The following SLC26A11 variants were observed in gnomAD, a reference collection of about 807,000 sequenced individuals.
SLC26A11 encodes the protein sodium-independent sulfate anion transporter.
Under a neutral mutation model 62.2 loss-of-function variants are expected in SLC26A11, and 58 were observed. The ratio of observed to expected loss-of-function variants is 0.93; its 90% CI spans 0.76 to 1.16. The LOEUF is 1.16. Ranked by LOEUF, SLC26A11 falls within the 50% of genes most tolerant of loss-of-function variation. SLC26A11 has a pLI of 0.00. For missense variants in SLC26A11, 790 were observed against 794.3 expected (o/e 0.99, Z 0.06); for synonymous variants, 411 against 368.9 (o/e 1.11, Z -1.31).
Position 80,221,715 on chromosome 17 carries a change from TC to T in SLC26A11, c.156del (p.Phe52LeufsTer49). The T allele has an allele frequency of 6.2e-7, 1 of 1,613,758 alleles. No individual in the cohort carries two copies. The highest frequency in any genetic ancestry group is 1.1e-5 in the South Asian group (1 of 91,084). The part of the protein sequence containing the change: ...SYSLQWLKMD[F>X]VAGLSVGLTA... ...TCCCTGCAGTGGCTGAAGATGGATT[TC>T]GTCGCCGGCCTCTCAGTTGGCCTCA... On this transcript the variant is annotated frameshift_variant, in exon 3 of 18. Coordinates refer to ENST00000361193, the MANE Select transcript of SLC26A11 (RefSeq NM_001166347.2). LOFTEE classifies it high-confidence loss of function.
At chr17:80,224,472 AGT>A (rs1047006487) in intron 5 of SLC26A11, among the ~76,000 whole-genome samples, 2 of 151,642 alleles carry the variant, frequency 1.3e-5, no homozygotes, top group African/African-American at 4.9e-5. Flanking sequence ...TGAGTGTGTG[AGT>A]GTGAGAATAA....
chr17:80,237,510 C>T lies in SLC26A11; in HGVS notation c.913-12C>T. The T allele has an allele frequency of 6.2e-7, 1 of 1,606,636 alleles. No individual in the cohort carries two copies. The highest frequency in any genetic ancestry group is 8.5e-7 in the Non-Finnish European group (1 of 1,176,832). ...TAGGAAGGTCACTCACCATCCCTCT[C>T]TCCTCTCTCAGGACATGGGAGCCGG... On this transcript the variant is annotated splice_polypyrimidine_tract_variant and intron_variant, in intron 8 of 17. Coordinates refer to ENST00000361193, the MANE Select transcript of SLC26A11 (RefSeq NM_001166347.2).
At chr17:80,230,148 C>T (rs7219184) in intron 7 of SLC26A11, among the ~76,000 whole-genome samples, 48,708 of 148,044 alleles carry the variant, frequency 0.33, 8,347 homozygotes, top group Admixed American at 0.47. Context: ...TGAGCCAAGA[C>T]TGCACCACTG....
At chr17:80,249,782 C>T (rs772665841) in intron 16 of SLC26A11, among the ~76,000 whole-genome samples, 3 of 152,122 alleles carry the variant, frequency 2.0e-5, no homozygotes, top group South Asian at 2.1e-4. Flanking sequence ...TGGTGGCGAG[C>T]GCCTGTAATT....
Position 80,228,100 on chromosome 17 carries a change from C to A in SLC26A11, c.736+140C>A. On this transcript the variant is annotated intron_variant, in intron 7 of 17. Coordinates refer to ENST00000361193, the MANE Select transcript of SLC26A11 (RefSeq NM_001166347.2). The surrounding 1 kb of genome is among the most constrained non-coding windows in gnomAD (Gnocchi z 4.1). ...CATTGGGACATTTAAAACACCACACCAAACTCTGGGACATGTACTTTTTAT... is the reference window on the plus strand; with the variant it reads ...CATTGGGACATTTAAAACACCACACAAAACTCTGGGACATGTACTTTTTAT... 2 of 616,614 alleles carry A rather than the reference C, an allele frequency of 3.2e-6. No homozygotes were observed. The highest frequency in any genetic ancestry group is 5.5e-6 in the Non-Finnish European group (2 of 364,342). The allele number at this position is 616,614 out of a possible 1,614,324, so 38.2% of individuals were successfully genotyped here.
At chr17:80,230,403 C>T (rs887504352) in intron 7 of SLC26A11, among the ~76,000 whole-genome samples, 1 of 152,044 alleles carries the variant, frequency 6.6e-6, no homozygotes, top group African/African-American at 2.4e-5. Context: ...TGTCAGAGGA[C>T]ACCAGGGTGG....
Position 80,227,954 on chromosome 17 carries a change from A to T in SLC26A11, c.730A>T (p.Thr244Ser). The T allele has an allele frequency of 6.3e-7, 1 of 1,599,850 alleles. No individual in the cohort carries two copies. The highest frequency in any genetic ancestry group is 1.3e-5 in the African/African-American group (1 of 74,966). The change falls in exon 7 of 18, where the codon ACG becomes TCG. Residue 244 changes from threonine (T) to serine (S), a missense_variant. Physicochemically the swap from Thr to Ser is moderately conservative, Grantham distance 58 (BLOSUM62 1). Coordinates refer to ENST00000361193, the MANE Select transcript of SLC26A11 (RefSeq NM_001166347.2). ...RLSRGLVWAA[T>S]TARNALVVSF... ...CAGCCGTGGGCTGGTCTGGGCTGCCACGACAGGTGAGGGGCCTCTGGCTGA... is the reference window on the plus strand; with the variant it reads ...CAGCCGTGGGCTGGTCTGGGCTGCCTCGACAGGTGAGGGGCCTCTGGCTGA...
chr17:80,241,047 T>C (rs1000437481), intron 9 of SLC26A11, among the ~76,000 whole-genome samples: 2 of 146,832 alleles, frequency 1.4e-5, no homozygotes, highest in African/African-American at 2.5e-5. Context: ...CAAGGTGGCA[T>C]TGAGCTGTGA....
At position 80,252,559 on chromosome 17, in the gene SLC26A11, C is replaced by T; in HGVS notation, c.1730-66C>T. 1 of 1,505,752 alleles carries T rather than the reference C, an allele frequency of 6.6e-7. No homozygotes were observed. Among genetic ancestry groups the T allele is most frequent in the Non-Finnish European group, 9.2e-7 (1 of 1,091,048 alleles). The allele number at this position is 1,505,752 out of a possible 1,614,324, so 93.3% of individuals were successfully genotyped here. ...CTGGAAGGCCCTCCTTAATCCCTTC[C>T]TGTGAACTGACCCATCCTCACTTCT... On this transcript the variant is annotated intron_variant, in intron 17 of 17. Transcript: ENST00000361193. This position sits in a 1 kb window ranked among gnomAD's most constrained non-coding sequence, Gnocchi z 5.2.
At chr17:80,230,975 C>CT (rs1171353991) in intron 7 of SLC26A11, among the ~76,000 whole-genome samples, 2 of 151,936 alleles carry the variant, frequency 1.3e-5, no homozygotes, top group East Asian at 1.9e-4. Flanking sequence ...AGTCGTCTGT[C>CT]TTTTTTTCTG....
chr17:80,233,864 CA>C (rs1262505594), intron 7 of SLC26A11, among the ~76,000 whole-genome samples: 1 of 151,916 alleles, frequency 6.6e-6, no homozygotes, highest in African/African-American at 2.4e-5. Context: ...AGGTGTGAGC[CA>C]CTACTCCTGG....
rs747105136 is a variant in SLC26A11, at chr17:80,237,073, C to T, written c.882C>T (p.Asn294=). 35 of 1,613,598 alleles carry T rather than the reference C, an allele frequency of 2.2e-5. No individual in the cohort carries two copies. Among genetic ancestry groups the T allele is most frequent in the South Asian group, 1.4e-4 (13 of 91,056 alleles). Residue 294 remains asparagine, a synonymous_variant, in exon 8 of 18, where the codon AAC becomes AAT. Transcript: ENST00000361193. The stretch of plus-strand genomic sequence containing the variant: ...CGCCCTTCTCAGTGACCACAGCCAA[C>T]GGGACGATCTCCTTCACCGAGATGG... ...RIPPFSVTTA[N]GTISFTEMVQ...
chr17:80,223,438 G>T lies in SLC26A11; in HGVS notation c.513+101G>T. On this transcript the variant is annotated intron_variant, in intron 5 of 17. Coordinates refer to ENST00000361193, the MANE Select transcript of SLC26A11 (RefSeq NM_001166347.2). The surrounding 1 kb of genome is among the most constrained non-coding windows in gnomAD (Gnocchi z 4.6). ...AGGCCAGTCCTGATCCCTGTGGCCA[G>T]TGGACGTCTTGCTGTTTCAGATTGT... is the stretch of plus-strand genomic sequence containing the variant. 1 of 1,090,184 alleles carries T rather than the reference G, an allele frequency of 9.2e-7. No individual in the cohort carries two copies. The highest frequency in any genetic ancestry group is 1.6e-5 in the African/African-American group (1 of 64,128). 67.5% of individuals were successfully genotyped at this position (1,090,184 alleles called of 1,614,324 possible). A position where few individuals can be genotyped will look rare whatever the true frequency, so the allele number is the denominator to read the frequency against.
chr17:80,242,849 C>T (rs1473943009), intron 10 of SLC26A11, among the ~76,000 whole-genome samples: 1 of 152,132 alleles, frequency 6.6e-6, no homozygotes, highest in Non-Finnish European at 1.5e-5. Context: ...GCTGAGACTA[C>T]AGGCGTGTGC....
At chr17:80,251,436 T>C (rs1308304392) in intron 17 of SLC26A11, 35 bp downstream of exon 17, 1 of 1,612,088 alleles carries the variant, frequency 6.2e-7, no homozygotes, top group South Asian at 1.1e-5. Context: ...GCTTTGGTGA[T>C]TTTGTAAAAA....
intron 5 of SLC26A11, among the ~76,000 whole-genome samples, chr17:80,224,294 T>TGA (rs200236399): frequency 1.6e-5 from 1 of 61,290 alleles, no homozygotes; most frequent in Non-Finnish European, 3.3e-5. Flanking sequence ...TGTGAGTGAG[T>TGA]GTGCGTGTGT....
intron 9 of SLC26A11, among the ~76,000 whole-genome samples, chr17:80,240,527 G>T (rs371313923): frequency 2.0e-5 from 3 of 152,122 alleles, no homozygotes; most frequent in African/African-American, 7.2e-5. Context: ...TCTCGGCCGG[G>T]TGCAGTGGCT....
At position 80,252,583 on chromosome 17, in the gene SLC26A11, C is replaced by G. The variant is rs1403341699; in HGVS notation, c.1730-42C>G. ...CCTGTGAACTGACCCATCCTCACTT[C>G]TGAGCTTTTAGTGCTTGAAACATTT... is the stretch of plus-strand genomic sequence containing the variant. On this transcript the variant is annotated intron_variant, in intron 17 of 17. Coordinates refer to ENST00000361193, the MANE Select transcript of SLC26A11 (RefSeq NM_001166347.2). The surrounding 1 kb of genome is among the most constrained non-coding windows in gnomAD (Gnocchi z 5.2). 3 of 1,594,980 alleles carry G rather than the reference C, an allele frequency of 1.9e-6. No homozygotes were observed. In the African/African-American group the frequency reaches 4.0e-5, roughly 21 times the overall value.
chr17:80,223,695 G>A lies in SLC26A11; in HGVS notation c.513+358G>A, dbSNP rs998817815. Among the ~76,000 whole-genome samples the A allele has an allele frequency of 1.3e-5, 2 of 152,216 alleles. No homozygotes were observed. The highest frequency in any genetic ancestry group is 4.8e-5 in the African/African-American group (2 of 41,454). Reference sequence around the variant, plus strand: ...ACCCAGCAGGCCCCACCAGTCATGAGCATGCTGCTAGAATTTCTATAGGCA... The same window carrying A: ...ACCCAGCAGGCCCCACCAGTCATGAACATGCTGCTAGAATTTCTATAGGCA... On this transcript the variant is annotated intron_variant, in intron 5 of 17. Coordinates refer to ENST00000361193, the MANE Select transcript of SLC26A11 (RefSeq NM_001166347.2). The surrounding 1 kb of genome is among the most constrained non-coding windows in gnomAD (Gnocchi z 4.6).
Sources: allele counts gnomAD v4.1 joint callset (sites outside exome capture counted in the v4.1 genomes callset), GRCh38; gene constraint gnomAD v4.1.1; non-coding constraint Gnocchi (gnomAD v3.1); transcripts MANE v1.5; gene names NCBI Gene and HGNC (gene_info 2026-07-23, HGNC 2026-07-21).